Variants in PFKM observed in about 807,000 individuals in gnomAD.
The protein encoded by PFKM is phosphofructokinase, muscle, also known as ATP-dependent 6-phosphofructokinase, muscle type.
A neutral mutation model predicts 95.5 loss-of-function variants in PFKM; 58 were observed. The ratio of observed to expected loss-of-function variants is 0.61; its 90% CI spans 0.49 to 0.76. The LOEUF (loss-of-function observed/expected upper bound fraction) is 0.76. PFKM is among the 30% of genes least tolerant of loss of function. The pLI is 0.00. For synonymous variants in PFKM, 336 were observed against 357.2 expected, an observed-to-expected ratio of 0.94 and a Z score of 0.67; for missense variants, 678 against 1,005.4, an observed-to-expected ratio of 0.67 and a Z score of 4.40.
chr12:48,142,075 C>G lies in PFKM; in HGVS notation c.1653+9C>G, dbSNP rs1442520537. ...TCAATACTATCTGCACAGTGAGAGC[C>G]TATCACCACTTCCCATCCCTTTTGG... is the stretch of plus-strand genomic sequence containing the variant. On this transcript the variant is annotated intron_variant, in intron 17 of 22. Transcript: ENST00000359794. 6 of 1,613,462 alleles carry G rather than the reference C, an allele frequency of 3.7e-6. No individual in the cohort carries two copies. Among genetic ancestry groups the G allele is most frequent in the Non-Finnish European group, 5.1e-6 (6 of 1,179,456 alleles).
chr12:48,114,756 T>C (rs1199065877), upstream of PFKM, among the ~76,000 whole-genome samples: 4 of 152,126 alleles, frequency 2.6e-5, no homozygotes, highest in Non-Finnish European at 5.9e-5. Flanking sequence ...CTCAGACCAT[T>C]TGCCCATTTT....
intron 10 of PFKM, among the ~76,000 whole-genome samples, chr12:48,137,065 C>CTT (rs1235123072): frequency 4.9e-5 from 6 of 123,116 alleles, no homozygotes; most frequent in Admixed American, 8.5e-5. Flanking sequence ...TTTTTTTTTT[C>CTT]TTTTTTTTTT....
upstream of PFKM, chr12:48,105,820 C>A: frequency 1.2e-5 from 7 of 595,138 alleles, no homozygotes; most frequent in Non-Finnish European, 2.1e-5. Context: ...GGTAGCCTAA[C>A]GGCCACCGGC....
At chr12:48,139,652 G>T in intron 12 of PFKM, 197 bp from the exon 13 acceptor site, 1 of 651,884 alleles carries the variant, frequency 1.5e-6, no homozygotes, top group South Asian at 1.7e-5. Context: ...GCCTGAAGAA[G>T]AGTACTGAGG....
At position 48,145,115 on chromosome 12, in the gene PFKM, G is replaced by C; in HGVS notation, c.2077G>C (p.Glu693Gln). The C allele has an allele frequency of 6.2e-7, 1 of 1,614,068 alleles. No individual in the cohort carries two copies. The highest frequency in any genetic ancestry group is 8.5e-7 in the Non-Finnish European group (1 of 1,179,898). Residue 693 changes from glutamate (E) to glutamine (Q), a missense_variant, in exon 21 of 23, where the codon GAG becomes CAG. By Grantham distance (29) the Glu-to-Gln change is conservative. Transcript: ENST00000359794. This position sits in a 1 kb window ranked among gnomAD's most constrained non-coding sequence, Gnocchi z 4.3. ...GAACTGGATGTCTGGGAAAATCAAA[G>C]AGAGTTACCGTAATGGTAGGTGGGG... ...AMNWMSGKIK[E>Q]SYRNGRIFAN...
intron 2 of PFKM, among the ~76,000 whole-genome samples, chr12:48,127,109 A>T (rs926220989): frequency 6.6e-6 from 1 of 152,188 alleles, no homozygotes; most frequent in Non-Finnish European, 1.5e-5. Context: ...GCCTTACCTT[A>T]GATCAGTTAT....
Position 48,132,923 on chromosome 12 carries a change from G to A in PFKM, c.293G>A (p.Arg98Gln), listed in dbSNP as rs1243125160. ...RCKDFREREGRLRAAYNLVKR... is the reference protein window; with the variant it reads ...RCKDFREREGQLRAAYNLVKR... ...AAGGACTTTCGGGAACGAGAAGGACGACTCCGAGCTGCCTACAACCTGGTG... is the reference window on the plus strand; with the variant it reads ...AAGGACTTTCGGGAACGAGAAGGACAACTCCGAGCTGCCTACAACCTGGTG... The change falls in exon 5 of 23, where the codon CGA becomes CAA. Residue 98 changes from arginine to glutamine, a missense_variant. Transcript: ENST00000359794. The A allele has an allele frequency of 5.6e-6, 9 of 1,614,044 alleles. No homozygotes were observed. Among genetic ancestry groups the A allele is most frequent in the African/African-American group, 1.3e-5 (1 of 74,928 alleles).
Position 48,145,273 on chromosome 12 carries a change from TCTTC to T in PFKM, c.2158_2161del (p.Phe720AsnfsTer6), listed in dbSNP as rs1458400203. 1 of 1,614,112 alleles carries T rather than the reference TCTTC, an allele frequency of 6.2e-7. No individual in the cohort carries two copies. The highest frequency in any genetic ancestry group is 2.2e-5 in the East Asian group (1 of 44,882). On this transcript the variant is annotated frameshift_variant, in exon 22 of 23. Transcript: ENST00000359794. LOFTEE classifies it high-confidence loss of function. This position sits in a 1 kb window ranked among gnomAD's most constrained non-coding sequence, Gnocchi z 4.3. The stretch of plus-strand genomic sequence containing the variant: ...CTGGGGATGCGTAAGAGGGCTCTGG[TCTTC>T]CAACCAGTGGCTGAGCTGAAGGACC...
At chr12:48,131,170 A>C (rs908613142) in intron 3 of PFKM, 146 bp from the exon 4 acceptor site, 10 of 703,254 alleles carry the variant, frequency 1.4e-5, no homozygotes, top group Non-Finnish European at 2.6e-5. Flanking sequence ...GACTGTGTTA[A>C]ATATGATAGT....
chr12:48,111,694 A>T (rs1947202697), intron 3 of PFKM, among the ~76,000 whole-genome samples: 1 of 152,180 alleles, frequency 6.6e-6, no homozygotes, highest in Non-Finnish European at 1.5e-5. Context: ...CAGGGTGAGG[A>T]ACAGGAAAGA....
intron 1 of PFKM, chr12:48,119,845 ACATGAGTCTG>A (rs2137778043): frequency 6.6e-6 from 1 of 152,380 alleles, no homozygotes; most frequent in Non-Finnish European, 1.5e-5. Flanking sequence ...GGATGCTTAT[ACATGAGTCTG>A]CATGAATTTC....
chr12:48,128,889 A>T (rs887238485), intron 2 of PFKM, among the ~76,000 whole-genome samples: 4 of 152,224 alleles, frequency 2.6e-5, no homozygotes, highest in Non-Finnish European at 1.5e-5. Flanking sequence ...TTGACCCTTC[A>T]TGGCTCTTAA....
chr12:48,121,758 G>A (rs1019947478), intron 1 of PFKM, among the ~76,000 whole-genome samples: 8 of 152,128 alleles, frequency 5.3e-5, no homozygotes, highest in African/African-American at 1.9e-4. Context: ...GGTGGAAAAT[G>A]GCAATGAGGA....
chr12:48,146,173 T>TG lies in PFKM; in HGVS notation c.*466dup, dbSNP rs1307349229. On this transcript the variant is annotated 3_prime_UTR_variant, in exon 23 of 23. Coordinates refer to ENST00000359794, the MANE Select transcript of PFKM (RefSeq NM_000289.6). ...CTGTCAGCCCCATGTATCAGACACT[T>TG]GTCTGATGAAGCAGTAAAGACGTTA... 5.0e-6 allele frequency: 1 copy of TG among 200,062 alleles called. No individual in the cohort carries two copies. The highest frequency in any genetic ancestry group is 5.3e-5 in the Admixed American group (1 of 18,862). 12.4% of individuals were successfully genotyped at this position (200,062 alleles called of 1,614,324 possible).
intron 1 of PFKM, chr12:48,119,904 GAGA>G (rs1948068101): frequency 6.6e-6 from 1 of 152,182 alleles, no homozygotes; most frequent in African/African-American, 2.4e-5. Context: ...GAGATTTCAG[GAGA>G]AGAATATGAG....
At chr12:48,111,687 G>T (rs1947202444) in intron 3 of PFKM, among the ~76,000 whole-genome samples, 1 of 152,126 alleles carries the variant, frequency 6.6e-6, no homozygotes, top group Non-Finnish European at 1.5e-5. Context: ...GTGTGATCAG[G>T]GTGAGGAACA....
At chr12:48,106,087 G>GGGAACCGCCGCGAACC (rs1249934867) in exon 1 of PFKM, 2 of 702,614 alleles carry the variant, frequency 2.8e-6, no homozygotes, top group South Asian at 3.0e-5. Context: ...CGCAAAACCC[G>GGGAACCGCCGCGAACC]GGAACCGCCG....
At chr12:48,130,995 A>G (rs142781422) in intron 3 of PFKM, among the ~76,000 whole-genome samples, 155 of 152,236 alleles carry the variant, frequency 1.0e-3, no homozygotes, top group African/African-American at 3.6e-3. Context: ...ATGGTTATCA[A>G]GACCATCTGT....
At chr12:48,143,668 C>G in intron 18 of PFKM, 85 bp from the exon 19 acceptor site, 1 of 953,132 alleles carries the variant, frequency 1.0e-6, no homozygotes, top group East Asian at 2.4e-5. Context: ...TCTCTTCCTT[C>G]CTGGAGAGGT....
Sources: gnomAD v4.1 joint callset for allele counts (sites outside exome capture counted in the v4.1 genomes callset) on GRCh38, gnomAD v4.1.1 for gene constraint, Gnocchi (gnomAD v3.1) non-coding constraint, MANE v1.5 for transcripts, NCBI Gene and HGNC (gene_info 2026-07-23, HGNC 2026-07-21) for gene names.